The following PRKAR2A variants were observed in gnomAD, a reference collection of about 807,000 sequenced individuals.
PRKAR2A encodes cAMP-dependent protein kinase type II-alpha regulatory subunit.
A neutral mutation model predicts 51.9 loss-of-function variants in PRKAR2A; 29 were observed. The ratio of observed to expected loss-of-function variants is 0.56; its 90% CI spans 0.42 to 0.76. PRKAR2A has a LOEUF of 0.76. Among genes scored for constraint, PRKAR2A ranks in the 30% least tolerant of loss-of-function variants. The pLI, the probability that PRKAR2A is intolerant of heterozygous loss-of-function variation, is 0.00. For missense variants in PRKAR2A, 445 were observed against 512.1 expected (o/e 0.87, Z 1.26); for synonymous variants, 178 against 186.2 (o/e 0.96, Z 0.36).
chr3:48,766,980 G>GT (rs1207047197), intron 6 of PRKAR2A, among the ~76,000 whole-genome samples: 1 of 152,126 alleles, frequency 6.6e-6, no homozygotes, highest in Non-Finnish European at 1.5e-5. Flanking sequence ...GCCTGGCTTA[G>GT]TAAGTAATGG....
intron 1 of PRKAR2A, among the ~76,000 whole-genome samples, chr3:48,837,916 C>A (rs192341832): frequency 1.3e-5 from 2 of 152,058 alleles, no homozygotes; most frequent in Non-Finnish European, 2.9e-5. Context: ...CGGTGGCTAA[C>A]GCCTGGAATC....
At chr3:48,828,761 C>T (rs1451789350) in intron 1 of PRKAR2A, among the ~76,000 whole-genome samples, 1 of 148,236 alleles carries the variant, frequency 6.7e-6, no homozygotes, top group Non-Finnish European at 1.5e-5. Flanking sequence ...ATATTCTTAT[C>T]CTTTAAGCCT....
chr3:48,780,864 T>C (rs2082184409), intron 5 of PRKAR2A, among the ~76,000 whole-genome samples: 1 of 152,180 alleles, frequency 6.6e-6, no homozygotes, highest in Non-Finnish European at 1.5e-5. Flanking sequence ...TTAATTTGTG[T>C]TTTTTATAAT....
chr3:48,838,196 A>G (rs2083315444), intron 1 of PRKAR2A, among the ~76,000 whole-genome samples: 1 of 151,934 alleles, frequency 6.6e-6, no homozygotes, highest in Non-Finnish European at 1.5e-5. Context: ...CAACAACAAC[A>G]CATATTATAT....
chr3:48,753,131 C>T (rs986996893), intron 9 of PRKAR2A, among the ~76,000 whole-genome samples: 1 of 151,468 alleles, frequency 6.6e-6, no homozygotes, highest in African/African-American at 2.4e-5. Flanking sequence ...GACAGGGTTT[C>T]ACCATGTTCG....
At chr3:48,809,070 C>T (rs909306999) in intron 1 of PRKAR2A, among the ~76,000 whole-genome samples, 6 of 152,234 alleles carry the variant, frequency 3.9e-5, no homozygotes, top group Admixed American at 3.3e-4. Context: ...TGTGAACCAC[C>T]GCGCCTGGCC....
At chr3:48,756,972 C>T (rs1481365997) in intron 8 of PRKAR2A, among the ~76,000 whole-genome samples, 1 of 152,194 alleles carries the variant, frequency 6.6e-6, no homozygotes, top group Non-Finnish European at 1.5e-5. Context: ...AATGCCACAG[C>T]TTTACAAAGG....
chr3:48,838,732 A>G (rs542994829), intron 1 of PRKAR2A, among the ~76,000 whole-genome samples: 2 of 152,224 alleles, frequency 1.3e-5, no homozygotes, highest in South Asian at 2.1e-4. Flanking sequence ...TAATCTCAGC[A>G]CTTTGGGAGG....
At chr3:48,790,022 C>A (rs540279059) in intron 4 of PRKAR2A, among the ~76,000 whole-genome samples, 12 of 151,874 alleles carry the variant, frequency 7.9e-5, no homozygotes, top group African/African-American at 2.9e-4. Context: ...TTTGGCATAT[C>A]CGAATTGCCA....
chr3:48,748,492 CAG>C lies in PRKAR2A; in HGVS notation c.*3091_*3092del, dbSNP rs1173193693. 6.6e-6 allele frequency: 1 copy of C among 152,074 alleles called. No homozygotes were observed. Among genetic ancestry groups the C allele is most frequent in the Non-Finnish European group, 1.5e-5 (1 of 68,098 alleles). The allele number at this position is 152,074 out of a possible 1,614,324, so 9.4% of individuals were successfully genotyped here. A position where few individuals can be genotyped will look rare whatever the true frequency, so the allele number is the denominator to read the frequency against. On this transcript the variant is annotated 3_prime_UTR_variant, in exon 11 of 11. Transcript: ENST00000265563. The stretch of plus-strand genomic sequence containing the variant: ...TCCAAAACAGCAACTATCATTAAGT[CAG>C]GGGTGTCAAGGAGGACTCTGTGAAG...
chr3:48,837,867 C>A (rs1248213297), intron 1 of PRKAR2A, among the ~76,000 whole-genome samples: 1 of 151,706 alleles, frequency 6.6e-6, no homozygotes, highest in Non-Finnish European at 1.5e-5. Flanking sequence ...GTACATTATG[C>A]TAAGTGCCAG....
intron 4 of PRKAR2A, among the ~76,000 whole-genome samples, chr3:48,783,941 T>C (rs1293947963): frequency 2.6e-5 from 4 of 152,028 alleles, no homozygotes; most frequent in Non-Finnish European, 1.5e-5. Context: ...TCAATTTTTA[T>C]GACCAAAGGA....
At chr3:48,752,972 G>A (rs145053931) in intron 9 of PRKAR2A, among the ~76,000 whole-genome samples, 24 of 108,102 alleles carry the variant, frequency 2.2e-4, no homozygotes, top group Non-Finnish European at 3.7e-4. Context: ...TCGCTCTGTC[G>A]CCCAGGCTGG....
rs1174017122 is a variant in PRKAR2A at position 48,751,716 on chromosome 3, TA to T, written c.1083del (p.Met362TrpfsTer17). ...AGCCTCTCGAATGCTTGTACATCCA[TA>T]ACTGCATTGTTAAAAAGAGGTGAGG... ...AYAVGDVKCL[V>X]MDVQAFERLL... is the part of the protein sequence containing the mutation. On this transcript the variant is annotated frameshift_variant and splice_region_variant, in exon 11 of 11. Coordinates refer to ENST00000265563, the MANE Select transcript of PRKAR2A (RefSeq NM_004157.4). LOFTEE classifies it high-confidence loss of function. 1 of 1,609,446 alleles carries T rather than the reference TA, an allele frequency of 6.2e-7. No homozygotes were observed. Among genetic ancestry groups the T allele is most frequent in the Non-Finnish European group, 8.5e-7 (1 of 1,176,552 alleles).
chr3:48,839,662 A>T (rs1315752486), intron 1 of PRKAR2A, among the ~76,000 whole-genome samples: 2 of 152,184 alleles, frequency 1.3e-5, no homozygotes, highest in Non-Finnish European at 2.9e-5. Context: ...ATAGGATACA[A>T]TTTTATAAAC....
At chr3:48,800,118 A>C (rs1383979499) in intron 2 of PRKAR2A, among the ~76,000 whole-genome samples, 1 of 150,404 alleles carries the variant, frequency 6.6e-6, no homozygotes, top group East Asian at 2.0e-4. Context: ...TTGGCCTCCC[A>C]AAGTGCTGGG....
At chr3:48,763,185 C>G (rs2081889059) in intron 8 of PRKAR2A, among the ~76,000 whole-genome samples, 1 of 152,154 alleles carries the variant, frequency 6.6e-6, no homozygotes, top group Non-Finnish European at 1.5e-5. Flanking sequence ...TGGTGGGGGG[C>G]TCCAGAACTT....
intron 4 of PRKAR2A, among the ~76,000 whole-genome samples, chr3:48,786,290 A>G (rs903170158): frequency 6.7e-6 from 1 of 150,236 alleles, no homozygotes; most frequent in African/African-American, 2.4e-5. Context: ...ATGCCCAGCT[A>G]ATTTTTGTAT....
intron 1 of PRKAR2A, among the ~76,000 whole-genome samples, chr3:48,840,077 AT>A (rs2083352400): frequency 6.6e-6 from 1 of 152,108 alleles, no homozygotes; most frequent in African/African-American, 2.4e-5. Flanking sequence ...GTCCCTATGA[AT>A]TTAGCTACTC....
Sources: allele counts gnomAD v4.1 joint callset (sites outside exome capture counted in the v4.1 genomes callset), GRCh38; gene constraint gnomAD v4.1.1; transcripts MANE v1.5; gene names NCBI Gene and HGNC (gene_info 2026-07-23, HGNC 2026-07-21).